ADK: variants seen among roughly 807,000 people sequenced by gnomAD.
ADK encodes adenosine kinase, also known as N6,N6-dimethyladenosine kinase.
A neutral mutation model predicts 44.7 loss-of-function variants in ADK; 24 were observed. The ratio of observed to expected loss-of-function variants is 0.54; its 90% CI spans 0.39 to 0.76. The LOEUF (loss-of-function observed/expected upper bound fraction) is 0.76, where lower values mean the gene tolerates loss of function less well. Ranked by LOEUF, ADK falls within the 30% of genes least tolerant of loss-of-function variation. ADK has a pLI of 0.00. For synonymous variants in ADK, 128 were observed against 142.6 expected (o/e 0.90, Z 0.73); for missense variants, 321 against 425.1 (o/e 0.76, Z 2.15).
chr10:74,574,516 C>G (rs745432126), intron 7 of ADK, among the ~76,000 whole-genome samples: 1 of 152,154 alleles, frequency 6.6e-6, no homozygotes, highest in Admixed American at 6.5e-5. Flanking sequence ...CTTTGCTATT[C>G]TGCTTTATTG....
intron 1 of ADK, among the ~76,000 whole-genome samples, chr10:74,191,662 C>T (rs1234855952): frequency 6.6e-6 from 1 of 152,190 alleles, no homozygotes; most frequent in Non-Finnish European, 1.5e-5. Context: ...ACCATTCACT[C>T]AACTTCCCCC....
intron 7 of ADK, among the ~76,000 whole-genome samples, chr10:74,576,200 A>T (rs1851178198): frequency 6.6e-6 from 1 of 152,172 alleles, no homozygotes; most frequent in South Asian, 2.1e-4. Flanking sequence ...GGGAATAAAG[A>T]TATGCAACAG....
chr10:74,532,638 C>T (rs1589224515), intron 7 of ADK, among the ~76,000 whole-genome samples: 1 of 152,064 alleles, frequency 6.6e-6, no homozygotes, highest in African/African-American at 2.4e-5. Context: ...TAGTGCATCA[C>T]GCCTGTAATC....
intron 3 of ADK, among the ~76,000 whole-genome samples, chr10:74,242,934 A>T (rs1329094047): frequency 2.0e-5 from 3 of 152,034 alleles, no homozygotes; most frequent in Non-Finnish European, 4.4e-5. Flanking sequence ...AGCCATTTCC[A>T]CCGCTCAGTA....
At chr10:74,326,518 G>T (rs1841021672) in intron 4 of ADK, among the ~76,000 whole-genome samples, 1 of 152,038 alleles carries the variant, frequency 6.6e-6, no homozygotes, top group East Asian at 1.9e-4. Flanking sequence ...GGCTGAGGCA[G>T]GAGGATTGCT....
At chr10:74,434,938 A>G (rs1238557713) in intron 6 of ADK, among the ~76,000 whole-genome samples, 1 of 152,224 alleles carries the variant, frequency 6.6e-6, no homozygotes, top group African/African-American at 2.4e-5. Flanking sequence ...AGTTGTTTAT[A>G]TATAATCTGT....
At chr10:74,441,359 A>T (rs1564724122) in intron 6 of ADK, among the ~76,000 whole-genome samples, 1 of 152,234 alleles carries the variant, frequency 6.6e-6, no homozygotes, top group Non-Finnish European at 1.5e-5. Context: ...CTAAACACAG[A>T]GTTACCATAT....
At chr10:74,691,976 C>G (rs558995749) in intron 10 of ADK, among the ~76,000 whole-genome samples, 1 of 152,252 alleles carries the variant, frequency 6.6e-6, no homozygotes, top group African/African-American at 2.4e-5. Flanking sequence ...TCTTACAAAA[C>G]TAAACATACT....
chr10:74,450,273 C>T (rs1349639665), intron 6 of ADK, among the ~76,000 whole-genome samples: 1 of 152,200 alleles, frequency 6.6e-6, no homozygotes. Context: ...GATCGTATCT[C>T]TGCACTTCAG....
At chr10:74,363,229 T>C (rs1842394450) in intron 4 of ADK, among the ~76,000 whole-genome samples, 1 of 152,124 alleles carries the variant, frequency 6.6e-6, no homozygotes, top group African/African-American at 2.4e-5. Flanking sequence ...AGTCCCTCCA[T>C]AGATGGAATG....
At chr10:74,308,226 T>C (rs1840320199) in intron 3 of ADK, among the ~76,000 whole-genome samples, 3 of 152,170 alleles carry the variant, frequency 2.0e-5, no homozygotes, top group African/African-American at 7.2e-5. Context: ...TTAAACATAT[T>C]AGAGTTGAAT....
intron 7 of ADK, among the ~76,000 whole-genome samples, chr10:74,573,967 G>T (rs986943859): frequency 6.6e-6 from 1 of 152,132 alleles, no homozygotes; most frequent in Admixed American, 6.5e-5. Flanking sequence ...CCCGAGTGAG[G>T]CAATGCCTCG....
intron 1 of ADK, among the ~76,000 whole-genome samples, chr10:74,153,879 C>G (rs1405844867): frequency 6.6e-6 from 1 of 152,132 alleles, no homozygotes; most frequent in African/African-American, 2.4e-5. Context: ...GAGCACGTGC[C>G]AAGTCTTTTC....
At chr10:74,468,997 T>A (rs948110037) in intron 6 of ADK, among the ~76,000 whole-genome samples, 3 of 151,034 alleles carry the variant, frequency 2.0e-5, no homozygotes, top group Non-Finnish European at 4.4e-5. Context: ...GAGAGAGAGA[T>A]CTAGTTGTGT....
chr10:74,566,061 T>C (rs1188378730), intron 7 of ADK, among the ~76,000 whole-genome samples: 1 of 152,164 alleles, frequency 6.6e-6, no homozygotes, highest in Non-Finnish European at 1.5e-5. Context: ...CAATGCATGA[T>C]ACAAAGGATA....
intron 4 of ADK, among the ~76,000 whole-genome samples, chr10:74,342,634 T>G (rs1841617905): frequency 1.3e-5 from 2 of 152,102 alleles, no homozygotes; most frequent in Admixed American, 1.3e-4. Flanking sequence ...CCACCATGCC[T>G]GGCTAATTTT....
At chr10:74,290,078 G>GCACGCACACA (rs1554838782) in intron 3 of ADK, among the ~76,000 whole-genome samples, 2 of 149,014 alleles carry the variant, frequency 1.3e-5, no homozygotes, top group African/African-American at 5.0e-5. Context: ...CTACTCACGC[G>GCACGCACACA]CACACACACA....
chr10:74,353,678 C>T (rs1365461260), intron 4 of ADK, among the ~76,000 whole-genome samples: 3 of 151,284 alleles, frequency 2.0e-5, no homozygotes, highest in African/African-American at 7.3e-5. Flanking sequence ...ACCATCCTGG[C>T]TAAAATGGTG....
chr10:74,245,926 G>A (rs1218640175), intron 3 of ADK, among the ~76,000 whole-genome samples: 2 of 152,050 alleles, frequency 1.3e-5, no homozygotes, highest in African/African-American at 4.8e-5. Flanking sequence ...TTTCTGAAAT[G>A]ACTTTTTATA....
Sources: allele counts gnomAD v4.1 joint callset (sites outside exome capture counted in the v4.1 genomes callset), GRCh38; gene constraint gnomAD v4.1.1; transcripts MANE v1.5; gene names NCBI Gene and HGNC (gene_info 2026-07-23, HGNC 2026-07-21).